The following PDE5A variants were observed in gnomAD, a reference collection of about 807,000 sequenced individuals.
PDE5A encodes cGMP-specific 3',5'-cyclic phosphodiesterase.
PDE5A carries 67 observed loss-of-function variants against 110.2 expected under a neutral mutation model. That is an observed-to-expected ratio of 0.61 (90% CI 0.50 to 0.75). PDE5A has a LOEUF of 0.75. Among genes scored for constraint, PDE5A ranks in the 30% least tolerant of loss-of-function variants. The pLI, the probability that PDE5A is intolerant of heterozygous loss-of-function variation, is 0.00. For synonymous variants in PDE5A, 328 were observed against 351.2 expected (o/e 0.93, Z 0.74); for missense variants, 862 against 1,045.1 (o/e 0.82, Z 2.42).
At chr4:119,612,526 C>T (rs1729793390) in intron 1 of PDE5A, among the ~76,000 whole-genome samples, 1 of 152,200 alleles carries the variant, frequency 6.6e-6, no homozygotes, top group Non-Finnish European at 1.5e-5. Context: ...GATGCCAACA[C>T]CATGCTTCCT....
At position 119,533,839 on chromosome 4, in the gene PDE5A, A is replaced by G. The variant is rs558094283; in HGVS notation, c.1632+5121T>C. On this transcript the variant is annotated intron_variant, in intron 11 of 20. Transcript: ENST00000354960. Reference sequence around the variant, plus strand: ...CTTTTAGAGTAAATTTATGATTGCAATTGGGAATAATATACACAGATCTGA... The same window carrying G: ...CTTTTAGAGTAAATTTATGATTGCAGTTGGGAATAATATACACAGATCTGA... Among the ~76,000 whole-genome samples the G allele has an allele frequency of 2.8e-4, 42 of 152,310 alleles. No individual in the cohort carries two copies. The South Asian group carries it at 7.7e-3, about 28-fold the overall frequency.
intron 19 of PDE5A, 38 bp downstream of exon 19, chr4:119,502,543 A>C: frequency 8.1e-7 from 1 of 1,241,540 alleles, no homozygotes; most frequent in Non-Finnish European, 1.2e-6. Context: ...AAAAAAAAAC[A>C]ATTTGAATAA....
At chr4:119,553,888 G>A in intron 7 of PDE5A, 142 bp from the exon 8 acceptor site, 3 of 567,040 alleles carry the variant, frequency 5.3e-6, no homozygotes, top group Admixed American at 3.6e-5. Flanking sequence ...AGCTTTAAAT[G>A]TGTTTGATGA....
At position 119,521,020 on chromosome 4, in the gene PDE5A, C is replaced by T. The variant is rs74858495; in HGVS notation, c.1820G>A (p.Arg607Gln). Residue 607 changes from arginine (R) to glutamine (Q), a missense_variant, in exon 13 of 21, where the codon CGG becomes CAG. Coordinates refer to ENST00000354960, the MANE Select transcript of PDE5A (RefSeq NM_001083.4). ...CCAATTATGATAGGCAACATTCTTC[C>T]GATAATTCTTCTTAACACTTAAAAT... ...RWILSVKKNYRKNVAYHNWRH... is the reference protein window; with the variant it reads ...RWILSVKKNYQKNVAYHNWRH... The T allele has an allele frequency of 6.8e-6, 11 of 1,612,500 alleles. No individual in the cohort carries two copies. The highest frequency in any genetic ancestry group is 6.7e-5 in the African/African-American group (5 of 74,846).
intron 3 of PDE5A, among the ~76,000 whole-genome samples, chr4:119,581,245 T>C (rs562816677): frequency 4.0e-5 from 6 of 150,314 alleles, no homozygotes; most frequent in Non-Finnish European, 8.9e-5. Context: ...AAACACTAAA[T>C]AGGCTGAATA....
chr4:119,579,386 A>C (rs910315502), intron 3 of PDE5A, among the ~76,000 whole-genome samples: 1 of 152,232 alleles, frequency 6.6e-6, no homozygotes, highest in African/African-American at 2.4e-5. Flanking sequence ...AGACACATGC[A>C]CACATATGTT....
At chr4:119,528,868 G>T (rs1315765372) in intron 11 of PDE5A, 4 of 151,840 alleles carry the variant, frequency 2.6e-5, no homozygotes, top group Non-Finnish European at 5.9e-5. Flanking sequence ...AGCATTTAAG[G>T]TACATGGACA....
intron 14 of PDE5A, 24 bp downstream of exon 14, chr4:119,519,021 C>A: frequency 1.3e-6 from 2 of 1,552,616 alleles, no homozygotes; most frequent in Middle Eastern, 1.7e-4. Flanking sequence ...AAAACATTTT[C>A]TTGCTTTACT....
chr4:119,578,670 C>T (rs1253930302), intron 3 of PDE5A, among the ~76,000 whole-genome samples: 3 of 152,162 alleles, frequency 2.0e-5, no homozygotes, highest in Non-Finnish European at 4.4e-5. Context: ...TTCCTTACAC[C>T]TTATACAAAA....
At chr4:119,523,079 A>G (rs1726188403) in intron 12 of PDE5A, among the ~76,000 whole-genome samples, 1 of 152,142 alleles carries the variant, frequency 6.6e-6, no homozygotes, top group South Asian at 2.1e-4. Flanking sequence ...AAGTTTATAC[A>G]TTGCCAAATA....
chr4:119,558,034 T>C (rs988290575), intron 7 of PDE5A, among the ~76,000 whole-genome samples: 1 of 152,220 alleles, frequency 6.6e-6, no homozygotes, highest in Non-Finnish European at 1.5e-5. Context: ...TATGGAATTA[T>C]AGCACTAAAA....
At chr4:119,614,228 A>G in intron 1 of PDE5A, among the ~76,000 whole-genome samples, 1 of 152,262 alleles carries the variant, frequency 6.6e-6, no homozygotes, top group African/African-American at 2.4e-5. Flanking sequence ...GTCACATTTT[A>G]TAAGTCTAAA....
At chr4:119,504,473 G>T in intron 18 of PDE5A, 63 bp downstream of exon 18, 1 of 1,262,490 alleles carries the variant, frequency 7.9e-7, no homozygotes, top group Non-Finnish European at 1.1e-6. Flanking sequence ...CCTAGTAGTG[G>T]GATTGCTGGG....
At chr4:119,534,266 C>A (rs569462402) in intron 11 of PDE5A, among the ~76,000 whole-genome samples, 1 of 152,058 alleles carries the variant, frequency 6.6e-6, no homozygotes, top group Non-Finnish European at 1.5e-5. Context: ...GGTACCCGAC[C>A]GTGGCTGGTT....
rs953805907 is a variant in PDE5A at position 119,627,417 on chromosome 4, A to G, written c.152+1103T>C. 1 of 491,866 alleles carries G rather than the reference A, an allele frequency of 2.0e-6. No individual in the cohort carries two copies. Among genetic ancestry groups the G allele is most frequent in the African/African-American group, 2.1e-5 (1 of 47,780 alleles). 30.5% of individuals were successfully genotyped at this position (491,866 alleles called of 1,614,324 possible). A position where few individuals can be genotyped will look rare whatever the true frequency, so the allele number is the denominator to read the frequency against. ...GCCGGCGAGTGGGACCCGGGCGTCG[A>G]ACCCGGGCGGGCTCCTCGACCATCA... On this transcript the variant is annotated intron_variant, in intron 1 of 20. Transcript: ENST00000354960. The surrounding 1 kb of genome is among the most constrained non-coding windows in gnomAD (Gnocchi z 4.6).
At position 119,567,133 on chromosome 4, in the gene PDE5A, T is replaced by C. The variant is rs772282938; in HGVS notation, c.843A>G (p.Val281=). The part of the protein sequence containing the change: ...IKNHREEVVG[V]AQAINKKSGN... Reference sequence around the variant, plus strand: ...CTGATTTCTTGTTGATGGCCTGGGCTACACCAACAACCTGGTATAAGGAGA... The same window carrying C: ...CTGATTTCTTGTTGATGGCCTGGGCCACACCAACAACCTGGTATAAGGAGA... Residue 281 remains valine, a synonymous_variant, in exon 4 of 21, where the codon GTA becomes GTG. Transcript: ENST00000354960. 1.2e-6 allele frequency: 2 copies of C among 1,612,644 alleles called. No homozygotes were observed. Among genetic ancestry groups the C allele is most frequent in the African/African-American group, 1.3e-5 (1 of 75,012 alleles).
chr4:119,531,144 A>G (rs1726520913), intron 11 of PDE5A, among the ~76,000 whole-genome samples: 1 of 152,204 alleles, frequency 6.6e-6, no homozygotes, highest in Non-Finnish European at 1.5e-5. Context: ...CCCCATAAGT[A>G]GAGAACTGGT....
chr4:119,523,351 C>T (rs1237290434), intron 12 of PDE5A, among the ~76,000 whole-genome samples: 2 of 148,722 alleles, frequency 1.3e-5, no homozygotes, highest in Non-Finnish European at 3.0e-5. Context: ...ATTTAGAAGC[C>T]ATGCAGAGAA....
intron 3 of PDE5A, among the ~76,000 whole-genome samples, chr4:119,594,033 G>C (rs1729070054): frequency 6.6e-6 from 1 of 152,188 alleles, no homozygotes; most frequent in South Asian, 2.1e-4. Flanking sequence ...TCCCGCCCTT[G>C]ATACGTAGGG....
Sources: allele counts gnomAD v4.1 joint callset (sites outside exome capture counted in the v4.1 genomes callset), GRCh38; gene constraint gnomAD v4.1.1; non-coding constraint Gnocchi (gnomAD v3.1); transcripts MANE v1.5; gene names NCBI Gene and HGNC (gene_info 2026-07-23, HGNC 2026-07-21).